Variants in PALMD observed in about 807,000 individuals in gnomAD.
PALMD encodes the protein paralemmin-like protein.
Under a neutral mutation model 56.2 loss-of-function variants are expected in PALMD, and 42 were observed. The observed-to-expected ratio is 0.75, with a 90% CI of 0.58 to 0.97. PALMD has a LOEUF of 0.97. Ranked by LOEUF, PALMD falls within the 50% of genes least tolerant of loss-of-function variation. PALMD has a pLI of 0.00. For synonymous variants in PALMD, 242 were observed against 222.9 expected, an observed-to-expected ratio of 1.09 and a Z score of -0.76; for missense variants, 660 against 643.8, an observed-to-expected ratio of 1.03 and a Z score of -0.27.
chr1:99,663,803 G>T (rs1652905488), intron 2 of PALMD, among the ~76,000 whole-genome samples: 1 of 152,154 alleles, frequency 6.6e-6, no homozygotes, highest in Non-Finnish European at 1.5e-5. Context: ...TTTCGCATGA[G>T]AAGCCTGACT....
chr1:99,660,262 T>G (rs1429580337), intron 1 of PALMD, among the ~76,000 whole-genome samples: 1 of 152,172 alleles, frequency 6.6e-6, no homozygotes, highest in Non-Finnish European at 1.5e-5. Context: ...AACTTTCCAC[T>G]CCAGGGAATG....
In PALMD at chr1:99,689,058, T is replaced by G. The variant is rs1653594304; in HGVS notation, c.798T>G (p.Phe266Leu). The part of the protein sequence containing the change: ...EYHEPVYANP[F>L]YRPTTPQRET... ...ATGAGCCTGTATATGCCAATCCCTT[T>G]TACAGGCCTACAACCCCACAGAGAG... is the stretch of plus-strand genomic sequence containing the variant. Residue 266 changes from phenylalanine to leucine, a missense_variant, in exon 7 of 8, where the codon TTT (phenylalanine) becomes TTG (leucine). Phe to Leu is a conservative substitution (Grantham distance 22). Coordinates refer to ENST00000263174, the MANE Select transcript of PALMD (RefSeq NM_017734.5). 1 of 1,613,576 alleles carries G rather than the reference T, an allele frequency of 6.2e-7. No homozygotes were observed.
rs1557673667 is a variant in PALMD, at chr1:99,683,008, A to AAG, written c.252-3667_252-3666insGA. Among the ~76,000 whole-genome samples, 265 of 119,054 alleles carry AAG rather than the reference A, an allele frequency of 2.2e-3. 15 individuals carry two copies. Among genetic ancestry groups the AAG allele is most frequent in the African/African-American group, 9.7e-3 (226 of 23,264 alleles). 78.1% of individuals were successfully genotyped at this position (119,054 alleles called of 152,430 possible). A position where few individuals can be genotyped will look rare whatever the true frequency, so the allele number is the denominator to read the frequency against. ...GTGACAGAGCAAGACTCTGTCTCCA[A>AAG]AAAGAAAGAAGGAAAGAAAGAAAGA... On this transcript the variant is annotated intron_variant, in intron 3 of 7. Transcript: ENST00000263174.
chr1:99,660,679 T>A (rs568568039), intron 1 of PALMD, among the ~76,000 whole-genome samples: 1 of 152,010 alleles, frequency 6.6e-6, no homozygotes, highest in South Asian at 2.1e-4. Context: ...ATTTTAAAAG[T>A]AAGCTGATAT....
At position 99,677,813 on chromosome 1, in the gene PALMD, G is replaced by A. The variant is rs903290192; in HGVS notation, c.252-8863G>A. ...GGGATGGGGTGTGGAGAGAGGAAAC[G>A]ACAGGTTGTCAAAAAAGACTAGGAT... is the stretch of plus-strand genomic sequence containing the variant. On this transcript the variant is annotated intron_variant, in intron 3 of 7. Coordinates refer to ENST00000263174, the MANE Select transcript of PALMD (RefSeq NM_017734.5). Among the ~76,000 whole-genome samples the A allele has an allele frequency of 5.3e-5, 8 of 152,126 alleles. No homozygotes were observed. The East Asian group carries it at 1.2e-3, about 22-fold the overall frequency.
At chr1:99,683,040 GAAA>G (rs1653388005) in intron 3 of PALMD, among the ~76,000 whole-genome samples, 1 of 12,812 alleles carries the variant, frequency 7.8e-5, no homozygotes, top group Non-Finnish European at 1.3e-4. Context: ...AAGAAAGAAA[GAAA>G]GAAAGAAAGA....
Position 99,693,833 on chromosome 1 carries a change from T to G in PALMD, c.1613-186T>G, listed in dbSNP as rs80351061. On this transcript the variant is annotated intron_variant, in intron 7 of 7. Coordinates refer to ENST00000263174, the MANE Select transcript of PALMD (RefSeq NM_017734.5). ...AGGTTCCTTCTAGTTCTGAACCTGC[T>G]TCTGCCCTAAGTTAACCATAGCTTA... 2.3e-3 allele frequency among the ~76,000 whole-genome samples: 346 copies of G among 152,326 alleles called. 1 individual carries two copies. The highest frequency in any genetic ancestry group is 8.1e-3 in the African/African-American group (337 of 41,582).
chr1:99,666,883 C>A (rs1364266100), intron 2 of PALMD, among the ~76,000 whole-genome samples: 1 of 152,120 alleles, frequency 6.6e-6, no homozygotes, highest in Admixed American at 6.6e-5. Context: ...TTTCCTCATG[C>A]AAATTCAAGA....
At chr1:99,691,953 G>A (rs1436012010) in intron 7 of PALMD, among the ~76,000 whole-genome samples, 2 of 152,152 alleles carry the variant, frequency 1.3e-5, no homozygotes, top group Non-Finnish European at 2.9e-5. Flanking sequence ...GTGGACCCTG[G>A]AGATTCAAAA....
chr1:99,686,821 T>G (rs1653509244), intron 4 of PALMD, 31 bp downstream of exon 4: 1 of 1,385,440 alleles, frequency 7.2e-7, no homozygotes, highest in African/African-American at 1.4e-5. Context: ...AAACTGTAAT[T>G]CTCTCTCAAA....
intron 1 of PALMD, among the ~76,000 whole-genome samples, chr1:99,658,369 T>C (rs1243587961): frequency 3.3e-5 from 5 of 152,006 alleles, no homozygotes; most frequent in Middle Eastern, 3.2e-3. Flanking sequence ...AGACTATAGT[T>C]ACTTACACAA....
intron 3 of PALMD, among the ~76,000 whole-genome samples, chr1:99,680,824 G>A (rs923209687): frequency 2.0e-5 from 3 of 151,756 alleles, no homozygotes; most frequent in African/African-American, 7.3e-5. Context: ...ATGCATACAT[G>A]TATGTGTATA....
intron 1 of PALMD, among the ~76,000 whole-genome samples, chr1:99,650,878 A>G (rs1462248897): frequency 1.3e-5 from 2 of 152,218 alleles, no homozygotes. Context: ...ACAAGTGTAA[A>G]CTAGTCTGTG....
At chr1:99,658,823 G>C (rs1389391668) in intron 1 of PALMD, among the ~76,000 whole-genome samples, 1 of 151,998 alleles carries the variant, frequency 6.6e-6, no homozygotes, top group South Asian at 2.1e-4. Context: ...ACATGCATCT[G>C]TAGTCCCAGC....
intron 3 of PALMD, among the ~76,000 whole-genome samples, chr1:99,672,540 A>G (rs2100865044): frequency 6.6e-6 from 1 of 151,848 alleles, no homozygotes; most frequent in South Asian, 2.1e-4. Context: ...CCAAAATGAC[A>G]CCCCCAGTAA....
Position 99,687,171 on chromosome 1 carries a change from G to C in PALMD, c.496G>C (p.Asp166His). The C allele has an allele frequency of 6.2e-7, 1 of 1,602,578 alleles. No homozygotes were observed. The highest frequency in any genetic ancestry group is 8.5e-7 in the Non-Finnish European group (1 of 1,172,574). The change falls in exon 6 of 8, where the codon GAT becomes CAT. Residue 166 changes from aspartate to histidine, a missense_variant. Coordinates refer to ENST00000263174, the MANE Select transcript of PALMD (RefSeq NM_017734.5). ...GGAGATAAATGAAGAAAAAGAAGAT[G>C]ATGAACAAAATAGGAAAGGTATATG... ...RKEINEEKED[D>H]EQNRKALYAM...
intron 3 of PALMD, among the ~76,000 whole-genome samples, chr1:99,670,658 CA>C (rs201906609): frequency 2.0e-5 from 3 of 148,780 alleles, no homozygotes; most frequent in Admixed American, 6.7e-5. Context: ...GATGTATTTG[CA>C]AAAAAAAATA....
intron 1 of PALMD, among the ~76,000 whole-genome samples, chr1:99,660,158 G>A (rs1274770582): frequency 1.3e-5 from 2 of 152,206 alleles, no homozygotes; most frequent in African/African-American, 4.8e-5. Flanking sequence ...GCTAATGAGA[G>A]GTCACACTCA....
intron 7 of PALMD, chr1:99,690,157 T>G (rs1489882814): frequency 2.4e-6 from 1 of 419,838 alleles, no homozygotes; most frequent in Non-Finnish European, 4.2e-6. Flanking sequence ...TGCTTGTGAG[T>G]GTATTTGGGT....
Sources: gnomAD v4.1 joint callset for allele counts (sites outside exome capture counted in the v4.1 genomes callset) on GRCh38, gnomAD v4.1.1 for gene constraint, MANE v1.5 for transcripts, NCBI Gene and HGNC (gene_info 2026-07-23, HGNC 2026-07-21) for gene names.